RPRD2: variants seen among roughly 807,000 people sequenced by gnomAD.
RPRD2 encodes the protein regulation of nuclear pre-mRNA domain containing 2, also known as regulation of nuclear pre-mRNA domain-containing protein 2.
A neutral mutation model predicts 104.4 loss-of-function variants in RPRD2; 12 were observed. The observed-to-expected ratio is 0.11, with a 90% CI of 0.07 to 0.19. The LOEUF (loss-of-function observed/expected upper bound fraction) is 0.19, where lower values mean the gene tolerates loss of function less well. Among genes scored for constraint, RPRD2 ranks in the 10% least tolerant of loss-of-function variants. The pLI is 1.00. For synonymous variants in RPRD2, 714 were observed against 684.9 expected, an observed-to-expected ratio of 1.04 and a Z score of -0.66; for missense variants, 1,543 against 1,790.1, an observed-to-expected ratio of 0.86 and a Z score of 2.49.
At chr1:150,443,491 G>A (rs989982694) in intron 5 of RPRD2, among the ~76,000 whole-genome samples, 24 of 152,162 alleles carry the variant, frequency 1.6e-4, no homozygotes, top group Admixed American at 1.3e-3. Context: ...CCTTCTTCCA[G>A]TATATCTATT....
At chr1:150,427,341 C>T (rs587660340) in intron 2 of RPRD2, among the ~76,000 whole-genome samples, 21 of 151,986 alleles carry the variant, frequency 1.4e-4, no homozygotes, top group Admixed American at 4.6e-4. Context: ...AGCGTGGTAG[C>T]GCGTGCCTGT....
At chr1:150,365,892 C>T (rs1659809002) in intron 1 of RPRD2, among the ~76,000 whole-genome samples, 1 of 152,104 alleles carries the variant, frequency 6.6e-6, no homozygotes, top group Admixed American at 6.6e-5. Context: ...GTGCCCGGCC[C>T]CGTTACTTTT....
At chr1:150,428,059 A>G (rs969282254) in intron 2 of RPRD2, among the ~76,000 whole-genome samples, 3 of 152,318 alleles carry the variant, frequency 2.0e-5, no homozygotes, top group South Asian at 4.1e-4. Flanking sequence ...TACAAAAGAT[A>G]ACATAAAACT....
chr1:150,460,559 C>A (rs1168295936), intron 9 of RPRD2, among the ~76,000 whole-genome samples: 1 of 151,840 alleles, frequency 6.6e-6, no homozygotes, highest in South Asian at 2.1e-4. Flanking sequence ...CCTGCTACCA[C>A]GCCCGGCTAA....
chr1:150,471,285 C>A lies in RPRD2; in HGVS notation c.2337C>A (p.Pro779=). 4 of 1,613,868 alleles carry A rather than the reference C, an allele frequency of 2.5e-6. No individual in the cohort carries two copies. Among genetic ancestry groups the A allele is most frequent in the Non-Finnish European group, 3.4e-6 (4 of 1,179,856 alleles). ...CCCCTGGGAGAGATGAAAGCTACCC[C>A]CGAGAGCTCTCCAATTCTGTATCTA... is the stretch of plus-strand genomic sequence containing the variant. The part of the protein sequence containing the change: ...SPPPGRDESY[P]RELSNSVSTY... The change falls in exon 11 of 11, where the codon CCC becomes CCA. Residue 779 remains proline (P), a synonymous_variant. Transcript: ENST00000369068. The surrounding 1 kb of genome is among the most constrained non-coding windows in gnomAD (Gnocchi z 5.3).
At position 150,476,424 on chromosome 1, in the gene RPRD2, T is replaced by A. The variant is rs960679929; in HGVS notation, c.*3090T>A. 1 of 152,188 alleles carries A rather than the reference T, an allele frequency of 6.6e-6. No individual in the cohort carries two copies. Among genetic ancestry groups the A allele is most frequent in the East Asian group, 1.9e-4 (1 of 5,196 alleles). The allele number at this position is 152,188 out of a possible 1,614,324, so 9.4% of individuals were successfully genotyped here. ...TTTTTAAGTGGGCGGGGGCGCCTGT[T>A]AAGATCTAAAATAGATATGTTGGAT... On this transcript the variant is annotated 3_prime_UTR_variant, in exon 11 of 11. Transcript: ENST00000369068.
intron 1 of RPRD2, among the ~76,000 whole-genome samples, chr1:150,366,197 C>T (rs1246892071): frequency 1.3e-5 from 2 of 152,224 alleles, no homozygotes; most frequent in African/African-American, 4.8e-5. Flanking sequence ...TTCTTTGCTT[C>T]CTGCCTGCGG....
At chr1:150,455,226 G>T (rs1437879988) in intron 7 of RPRD2, among the ~76,000 whole-genome samples, 2 of 152,156 alleles carry the variant, frequency 1.3e-5, no homozygotes, top group Non-Finnish European at 1.5e-5. Flanking sequence ...AGTCCAGGCC[G>T]GGCGCGATGG....
chr1:150,443,450 G>A lies in RPRD2; in HGVS notation c.567+167G>A, dbSNP rs982271314. Among the ~76,000 whole-genome samples the A allele has an allele frequency of 5.9e-5, 9 of 152,134 alleles. 1 individual carries two copies. The South Asian group carries it at 8.3e-4, about 14-fold the overall frequency. On this transcript the variant is annotated intron_variant, in intron 5 of 10. Coordinates refer to ENST00000369068, the MANE Select transcript of RPRD2 (RefSeq NM_015203.5). ...CCAGATTGGGATTAGATTGCTTGGCGTTTTATCTGTTCCCCTAATGGTAGA... is the reference window on the plus strand; with the variant it reads ...CCAGATTGGGATTAGATTGCTTGGCATTTTATCTGTTCCCCTAATGGTAGA...
rs1160491386 is a variant in RPRD2, at chr1:150,431,473, A to ATTTTTTTTTTTTTTTTTTTTTTTTT, written c.336-9426_336-9425insTTTTTTTTTTTTTTTTTTTTTTTTT. Reference sequence around the variant, plus strand: ...TATTATTCAGTCTTAAAAAGGAAGGATTTTTTTTTTTTTTTTTTTTTTTTG... The same window carrying ATTTTTTTTTTTTTTTTTTTTTTTTT: ...TATTATTCAGTCTTAAAAAGGAAGGATTTTTTTTTTTTTTTTTTTTTTTTTTTTTTTTTTTTTTTTTTTTTTTTTG... On this transcript the variant is annotated intron_variant, in intron 2 of 10. Coordinates refer to ENST00000369068, the MANE Select transcript of RPRD2 (RefSeq NM_015203.5). Among the ~76,000 whole-genome samples, 178 of 78,794 alleles carry ATTTTTTTTTTTTTTTTTTTTTTTTT rather than the reference A, an allele frequency of 2.3e-3. 14 individuals carry two copies. The highest frequency in any genetic ancestry group is 3.1e-3 in the South Asian group (5 of 1,610). 51.7% of individuals were successfully genotyped at this position (78,794 alleles called of 152,430 possible).
chr1:150,368,007 C>A (rs1659969706), intron 1 of RPRD2, among the ~76,000 whole-genome samples: 1 of 152,050 alleles, frequency 6.6e-6, no homozygotes, highest in Admixed American at 6.6e-5. Context: ...AAATGTCATT[C>A]CTCTGCTTTA....
rs1271215471 is a variant in RPRD2, at chr1:150,457,622, C to G, written c.1153+52C>G. On this transcript the variant is annotated intron_variant, in intron 8 of 10. Transcript: ENST00000369068. ...ACTTATTCCTTATCTGTTTTGCCTTCTCAGCAATGAATACATCACAGGCAG... is the reference window on the plus strand; with the variant it reads ...ACTTATTCCTTATCTGTTTTGCCTTGTCAGCAATGAATACATCACAGGCAG... 1.7e-5 allele frequency: 25 copies of G among 1,487,706 alleles called. No homozygotes were observed. The East Asian group carries it at 5.7e-4, about 34-fold the overall frequency. The allele number at this position is 1,487,706 out of a possible 1,614,324, so 92.2% of individuals were successfully genotyped here.
Position 150,464,454 on chromosome 1 carries a change from G to GT in RPRD2, c.1412-73_1412-72insT, listed in dbSNP as rs1668135621. 7 of 1,078,982 alleles carry GT rather than the reference G, an allele frequency of 6.5e-6. No homozygotes were observed. In the East Asian group the frequency reaches 2.3e-4, roughly 36 times the overall value. 66.8% of individuals were successfully genotyped at this position (1,078,982 alleles called of 1,614,324 possible). On this transcript the variant is annotated intron_variant, in intron 9 of 10. Transcript: ENST00000369068. ...TCCTGTTAAATATATCAAACTCATT[G>GT]AAGTGAGGGGAAGTATCGGAAATTG...
chr1:150,470,974 T>A lies in RPRD2; in HGVS notation c.2026T>A (p.Leu676Ile). The A allele has an allele frequency of 6.2e-7, 1 of 1,614,014 alleles. No individual in the cohort carries two copies. The highest frequency in any genetic ancestry group is 8.5e-7 in the Non-Finnish European group (1 of 1,179,898). ...CCTGGAAATGAAGATTCACAACTTC[T>A]TAAAAGGTAATCCTGGTTTCAGTGG... ...PSLEMKIHNF[L>I]KGNPGFSGLN... is the part of the protein sequence containing the mutation. The change falls in exon 11 of 11, where the codon TTA becomes ATA. Residue 676 changes from leucine to isoleucine, a missense_variant. Around this residue, in one of 4 missense-constraint regions of RPRD2, gnomAD observed 572 missense variants for 787.3 expected, o/e 0.73. Coordinates refer to ENST00000369068, the MANE Select transcript of RPRD2 (RefSeq NM_015203.5).
intron 8 of RPRD2, among the ~76,000 whole-genome samples, chr1:150,458,405 G>A (rs1553898119): frequency 1.3e-5 from 2 of 151,300 alleles, no homozygotes. Context: ...AGTGAGCCAA[G>A]ACCATGTCAC....
Position 150,472,920 on chromosome 1 carries a change from T to G in RPRD2, c.3972T>G (p.Phe1324Leu). The G allele has an allele frequency of 1.2e-6, 2 of 1,613,494 alleles. No homozygotes were observed. The highest frequency in any genetic ancestry group is 2.2e-5 in the South Asian group (2 of 91,042). ...GAGTGGCAGGGGCTGTGGCAGTATT[T>G]CCCAAGGACCATAGTTCCCTCCTTC... ...EHGVAGAVAV[F>L]PKDHSSLLQG... The change falls in exon 11 of 11, where the codon TTT becomes TTG. Residue 1324 changes from phenylalanine (F) to leucine (L), a missense_variant. By Grantham distance (22) the Phe-to-Leu change is conservative. Transcript: ENST00000369068.
At chr1:150,463,138 G>A (rs1218546142) in intron 9 of RPRD2, among the ~76,000 whole-genome samples, 5 of 152,052 alleles carry the variant, frequency 3.3e-5, no homozygotes, top group African/African-American at 7.2e-5. Context: ...TTACAATCAT[G>A]AGCCACTGCA....
rs1560155022 is a variant in RPRD2, at chr1:150,384,495, G to GTTATTATT, written c.205+19576_205+19577insTTATTATT. Among the ~76,000 whole-genome samples, 817 of 131,394 alleles carry GTTATTATT rather than the reference G, an allele frequency of 6.2e-3. 13 individuals carry two copies. Among genetic ancestry groups the GTTATTATT allele is most frequent in the African/African-American group, 0.022 (770 of 35,406 alleles). The allele number at this position is 131,394 out of a possible 152,430, so 86.2% of individuals were successfully genotyped here. A position where few individuals can be genotyped will look rare whatever the true frequency, so the allele number is the denominator to read the frequency against. On this transcript the variant is annotated intron_variant, in intron 1 of 10. Coordinates refer to ENST00000369068, the MANE Select transcript of RPRD2 (RefSeq NM_015203.5). The stretch of plus-strand genomic sequence containing the variant: ...TTATTATTATTATTATTATTATTAG[G>GTTATTATT]GATGGAGCTCTTGTTGCCCAGGCTG...
At chr1:150,384,201 A>T (rs899476125) in intron 1 of RPRD2, among the ~76,000 whole-genome samples, 3 of 152,064 alleles carry the variant, frequency 2.0e-5, no homozygotes, top group Admixed American at 2.0e-4. Context: ...CTTGGGGAAA[A>T]CTTTGGTAAT....
Sources: gnomAD v4.1 joint callset for allele counts (sites outside exome capture counted in the v4.1 genomes callset) on GRCh38, gnomAD v4.1.1 for gene constraint, gnomAD v4.1.1 regional missense constraint, Gnocchi (gnomAD v3.1) non-coding constraint, MANE v1.5 for transcripts, NCBI Gene and HGNC (gene_info 2026-07-23, HGNC 2026-07-21) for gene names.